The following AUTS2 variants were observed in gnomAD, a reference collection of about 807,000 sequenced individuals.
AUTS2 encodes the protein activator of transcription and developmental regulator AUTS2.
A neutral mutation model predicts 112.4 loss-of-function variants in AUTS2; 17 were observed. The observed-to-expected ratio is 0.15, with a 90% confidence interval of 0.10 to 0.23. The LOEUF is 0.23. Ranked by LOEUF, AUTS2 falls within the 10% of genes least tolerant of loss-of-function variation. The pLI is 1.00. For missense variants in AUTS2, 1,510 were observed against 1,701.6 expected (o/e 0.89, Z 1.98); for synonymous variants, 751 against 702.7 (o/e 1.07, Z -1.09).
chr7:69,667,936 T>C (rs1433346689), intron 1 of AUTS2, among the ~76,000 whole-genome samples: 1 of 152,242 alleles, frequency 6.6e-6, no homozygotes, highest in African/African-American at 2.4e-5. Context: ...CCTATCTTAC[T>C]TGTTTTTCTG....
intron 5 of AUTS2, among the ~76,000 whole-genome samples, chr7:70,661,144 C>T (rs891518617): frequency 6.6e-6 from 1 of 151,492 alleles, no homozygotes; most frequent in Non-Finnish European, 1.5e-5. Flanking sequence ...TTCTAGATGC[C>T]GCCTAATTAC....
intron 1 of AUTS2, among the ~76,000 whole-genome samples, chr7:69,844,294 C>T (rs1316618986): frequency 1.3e-5 from 2 of 152,068 alleles, no homozygotes; most frequent in Non-Finnish European, 2.9e-5. Context: ...CATTTTTGCC[C>T]ACCTGGTACT....
intron 5 of AUTS2, among the ~76,000 whole-genome samples, chr7:70,479,520 C>T (rs779381678): frequency 1.4e-4 from 21 of 152,166 alleles, no homozygotes; most frequent in Admixed American, 3.9e-4. Flanking sequence ...GTAGCCTAGA[C>T]ACCGTGGAGC....
At chr7:69,837,303 A>G (rs1791770034) in intron 1 of AUTS2, among the ~76,000 whole-genome samples, 1 of 152,160 alleles carries the variant, frequency 6.6e-6, no homozygotes, top group Admixed American at 6.5e-5. Context: ...ATTTCTTACA[A>G]CAACAATCCT....
At chr7:69,926,487 CTAT>C (rs1459181552) in intron 2 of AUTS2, among the ~76,000 whole-genome samples, 2 of 151,824 alleles carry the variant, frequency 1.3e-5, no homozygotes, top group Admixed American at 6.6e-5. Flanking sequence ...ATCTATCTAT[CTAT>C]CTGCCTGCCT....
At chr7:70,411,411 A>G (rs1189939298) in intron 4 of AUTS2, among the ~76,000 whole-genome samples, 1 of 152,168 alleles carries the variant, frequency 6.6e-6, no homozygotes, top group African/African-American at 2.4e-5. Flanking sequence ...ATCCACAGCC[A>G]CAATTACTAC....
At chr7:70,702,906 CAG>C (rs1478190424) in intron 6 of AUTS2, among the ~76,000 whole-genome samples, 1 of 152,172 alleles carries the variant, frequency 6.6e-6, no homozygotes, top group Non-Finnish European at 1.5e-5. Context: ...CGGTGGAACA[CAG>C]ATGAGGTTGG....
intron 4 of AUTS2, among the ~76,000 whole-genome samples, chr7:70,172,414 A>G (rs1275112376): frequency 6.6e-6 from 1 of 152,154 alleles, no homozygotes; most frequent in Non-Finnish European, 1.5e-5. Flanking sequence ...TTCATGGGAA[A>G]TTTTATTTTC....
intron 2 of AUTS2, among the ~76,000 whole-genome samples, chr7:69,961,085 T>C (rs1034248816): frequency 6.6e-6 from 1 of 152,150 alleles, no homozygotes; most frequent in African/African-American, 2.4e-5. Flanking sequence ...TGTCCATGTG[T>C]TCGCTAACTC....
chr7:69,830,109 A>G, intron 1 of AUTS2, among the ~76,000 whole-genome samples: 1 of 152,198 alleles, frequency 6.6e-6, no homozygotes, highest in East Asian at 1.9e-4. Context: ...GCTGGAAGCC[A>G]TCATCCTCAG....
At chr7:69,908,649 C>T (rs1241330582) in intron 2 of AUTS2, among the ~76,000 whole-genome samples, 1 of 152,184 alleles carries the variant, frequency 6.6e-6, no homozygotes, top group African/African-American at 2.4e-5. Flanking sequence ...TATGTGCCTG[C>T]CTGCAGTGAC....
intron 4 of AUTS2, among the ~76,000 whole-genome samples, chr7:70,341,816 G>C (rs910095799): frequency 1.3e-5 from 2 of 152,218 alleles, no homozygotes; most frequent in South Asian, 2.1e-4. Flanking sequence ...CTGTAGAAAA[G>C]GCAAGAAATG....
At chr7:70,352,110 A>G (rs150156271) in intron 4 of AUTS2, among the ~76,000 whole-genome samples, 46 of 152,328 alleles carry the variant, frequency 3.0e-4, no homozygotes, top group African/African-American at 1.1e-3. Flanking sequence ...CATAGATACT[A>G]CTGTTAATCC....
At chr7:69,678,793 C>T (rs573270595) in intron 1 of AUTS2, among the ~76,000 whole-genome samples, 1 of 152,322 alleles carries the variant, frequency 6.6e-6, no homozygotes, top group South Asian at 2.1e-4. Flanking sequence ...CTGTGCTGCC[C>T]TCAAACCATA....
intron 5 of AUTS2, among the ~76,000 whole-genome samples, chr7:70,646,712 A>G (rs1806183764): frequency 6.6e-6 from 1 of 152,248 alleles, no homozygotes; most frequent in African/African-American, 2.4e-5. Context: ...GCTGTAGGCA[A>G]GATTGACTCC....
At chr7:70,765,364 C>T (rs1015189973) in intron 8 of AUTS2, among the ~76,000 whole-genome samples, 1 of 152,174 alleles carries the variant, frequency 6.6e-6, no homozygotes, top group East Asian at 1.9e-4. Context: ...ATGTCTGTCT[C>T]GCTCCAGGAT....
intron 4 of AUTS2, among the ~76,000 whole-genome samples, chr7:70,214,509 C>T (rs960026354): frequency 6.6e-6 from 1 of 152,204 alleles, no homozygotes; most frequent in African/African-American, 2.4e-5. Context: ...CACACACATA[C>T]AGATGCCAAT....
rs866471720 is a variant in AUTS2 at position 69,876,359 on chromosome 7, T to A, written c.310-22927T>A. 1.5e-3 allele frequency among the ~76,000 whole-genome samples: 158 copies of A among 102,996 alleles called. 2 individuals are homozygous for A. Among genetic ancestry groups the A allele is most frequent in the Middle Eastern group, 4.6e-3 (1 of 216 alleles). The allele number at this position is 102,996 out of a possible 152,430, so 67.6% of individuals were successfully genotyped here. A position where few individuals can be genotyped will look rare whatever the true frequency, so the allele number is the denominator to read the frequency against. On this transcript the variant is annotated intron_variant, in intron 1 of 18. Transcript: ENST00000342771. ...AAAAAAAAAAAAAAAAATATATATA[T>A]ATATATATATATATATATATATATG...
intron 5 of AUTS2, among the ~76,000 whole-genome samples, chr7:70,604,011 T>C (rs1803605262): frequency 6.6e-6 from 1 of 152,174 alleles, no homozygotes; most frequent in Non-Finnish European, 1.5e-5. Context: ...TCTAGCACAG[T>C]GCTTTAAAAC....
Sources: allele counts gnomAD v4.1 joint callset (sites outside exome capture counted in the v4.1 genomes callset), GRCh38; gene constraint gnomAD v4.1.1; transcripts MANE v1.5; gene names NCBI Gene and HGNC (gene_info 2026-07-23, HGNC 2026-07-21).